The following ZNF841 variants were observed in gnomAD, a reference collection of about 807,000 sequenced individuals.
ZNF841 encodes the protein TCONS_00006091.
Under a neutral mutation model 13.0 loss-of-function variants are expected in ZNF841, and 11 were observed. The ratio of observed to expected loss-of-function variants is 0.85; its 90% CI spans 0.53 to 1.40. The LOEUF (loss-of-function observed/expected upper bound fraction) is 1.40, where lower values mean the gene tolerates loss of function less well. Among genes scored for constraint, ZNF841 ranks in the 40% most tolerant of loss-of-function variants. ZNF841 has a pLI of 0.00. For missense variants in ZNF841, 1,068 were observed against 1,139.5 expected (o/e 0.94, Z 0.90); for synonymous variants, 369 against 381.6 (o/e 0.97, Z 0.38).
At chr19:52,059,390 T>TATATATATATGC in the ZNF841 span, among the ~76,000 whole-genome samples, 1 of 96,388 alleles carries the variant, frequency 1.0e-5, no homozygotes, top group Non-Finnish European at 1.9e-5. Flanking sequence ...TATATATATA[T>TATATATATATGC]ACACACACAC....
chr19:52,066,633 T>C lies in ZNF841; in HGVS notation c.1249A>G (p.Thr417Ala), dbSNP rs1300680530. Reference sequence around the variant, plus strand: ...CCTGCATGGATTATATGATGTGCAGTGAGGCTTGAGTTCCGTTTAAAGGTT... The same window carrying C: ...CCTGCATGGATTATATGATGTGCAGCGAGGCTTGAGTTCCGTTTAAAGGTT... ...GKTFKRNSSL[T>A]AHHIIHAGKK... Residue 417 changes from threonine to alanine, a missense_variant, in exon 7 of 7, where the codon ACT (threonine) becomes GCT (alanine). Thr to Ala is a moderately conservative substitution (Grantham distance 58). Transcript: ENST00000594440. 7 of 1,613,372 alleles carry C rather than the reference T, an allele frequency of 4.3e-6. No homozygotes were observed. The African/African-American group carries it at 9.3e-5, about 22-fold the overall frequency.
chr19:52,066,812 C>T lies in ZNF841; in HGVS notation c.1070G>A (p.Ser357Asn). The T allele has an allele frequency of 6.2e-7, 1 of 1,613,898 alleles. No homozygotes were observed. The highest frequency in any genetic ancestry group is 1.1e-5 in the South Asian group (1 of 91,048). Residue 357 changes from serine to asparagine, a missense_variant, in exon 7 of 7, where the codon AGT becomes AAT. Transcript: ENST00000594440. The part of the protein sequence containing the change: ...CNECGKSFSK[S>N]SHLAVHQRIH... ...TCTCTGATGAACTGCAAGGTGGGAA[C>T]TTTTACTAAAGGACTTGCCACATTC... is the stretch of plus-strand genomic sequence containing the variant.
At chr19:52,063,367 G>C (rs1255568835), downstream of ZNF841, among the ~76,000 whole-genome samples, 1 of 150,870 alleles carries the variant, frequency 6.6e-6, no homozygotes, top group Non-Finnish European at 1.5e-5. Flanking sequence ...TTATTTTTTT[G>C]AGACAGAGTC....
chr19:52,075,339 G>C (rs983829894), intron 6 of ZNF841, among the ~76,000 whole-genome samples: 1 of 152,206 alleles, frequency 6.6e-6, no homozygotes, highest in Non-Finnish European at 1.5e-5. Context: ...CAAACTAAGA[G>C]TGTGAAGACA....
chr19:52,071,222 T>G (rs911585649), intron 6 of ZNF841, among the ~76,000 whole-genome samples: 1 of 152,206 alleles, frequency 6.6e-6, no homozygotes, highest in Admixed American at 6.5e-5. Flanking sequence ...ATATTTGCTA[T>G]GAAATTTATC....
chr19:52,070,371 A>G (rs1170298104), intron 6 of ZNF841, among the ~76,000 whole-genome samples: 2 of 152,210 alleles, frequency 1.3e-5, no homozygotes, highest in Non-Finnish European at 2.9e-5. Flanking sequence ...CCTTGCCTGT[A>G]GTGGACAAGG....
intron 4 of ZNF841, among the ~76,000 whole-genome samples, chr19:52,084,514 A>G (rs2088204878): frequency 6.6e-6 from 1 of 152,178 alleles, no homozygotes; most frequent in Admixed American, 6.5e-5. Context: ...CCAAAAGCTG[A>G]CACCACAGAA....
chr19:52,085,042 C>T (rs1247857151), intron 3 of ZNF841, among the ~76,000 whole-genome samples, 164 bp from the exon 4 acceptor site: 1 of 152,070 alleles, frequency 6.6e-6, no homozygotes, highest in Non-Finnish European at 1.5e-5. Context: ...AAGTTTTTCA[C>T]CCTTTTCTTC....
the ZNF841 span, chr19:52,058,502 CT>C: frequency 6.6e-6 from 1 of 152,158 alleles, no homozygotes; most frequent in East Asian, 1.9e-4. Flanking sequence ...GATTCAGATT[CT>C]TTAATTCAAC....
intron 3 of ZNF841, among the ~76,000 whole-genome samples, chr19:52,086,976 GCACAGAAGAGGGGTACTCACTA>G (rs1435123931): frequency 6.6e-6 from 1 of 152,200 alleles, no homozygotes; most frequent in Non-Finnish European, 1.5e-5. Context: ...CTTAAATGAA[GCACAGAAGAGGGGTACTCACTA>G]CAGGCAGAAA....
At chr19:52,089,572 G>A (rs761184103) in intron 2 of ZNF841, among the ~76,000 whole-genome samples, 43 of 152,080 alleles carry the variant, frequency 2.8e-4, no homozygotes, top group Non-Finnish European at 1.3e-4. Context: ...CCTTCAGCCC[G>A]GGAGGCGGAC....
intron 6 of ZNF841, among the ~76,000 whole-genome samples, chr19:52,068,920 C>G (rs768213404): frequency 1.3e-5 from 2 of 152,054 alleles, no homozygotes; most frequent in Non-Finnish European, 2.9e-5. Context: ...TGCAGTCAGC[C>G]AAGATCACGA....
At chr19:52,059,348 TAAAAAAA>T in the ZNF841 span, among the ~76,000 whole-genome samples, 1 of 46,030 alleles carries the variant, frequency 2.2e-5, no homozygotes, top group Admixed American at 2.8e-4. Context: ...AGACTCTGTC[TAAAAAAA>T]AAAAAAAAAA....
chr19:52,061,836 G>A (rs535834329), downstream of ZNF841, among the ~76,000 whole-genome samples: 3 of 152,226 alleles, frequency 2.0e-5, no homozygotes, highest in East Asian at 1.9e-4. Flanking sequence ...GTGAGCCACC[G>A]TGCCAAACCA....
intron 4 of ZNF841, among the ~76,000 whole-genome samples, chr19:52,079,837 C>T (rs2088037326): frequency 1.3e-5 from 2 of 151,710 alleles, no homozygotes; most frequent in Non-Finnish European, 2.9e-5. Context: ...ACTAAAAATA[C>T]AAAATTAGCC....
chr19:52,062,471 T>C (rs868613418), downstream of ZNF841, among the ~76,000 whole-genome samples: 6 of 152,160 alleles, frequency 3.9e-5, no homozygotes, highest in Non-Finnish European at 5.9e-5. Flanking sequence ...CCATATTCCA[T>C]GCTGCTTAAC....
chr19:52,072,030 C>T (rs1202641646), intron 6 of ZNF841, among the ~76,000 whole-genome samples: 6 of 152,118 alleles, frequency 3.9e-5, no homozygotes, highest in Admixed American at 2.6e-4. Context: ...AAATGTTAAC[C>T]GAAAGACATC....
chr19:52,077,920 C>T (rs1052565546), intron 4 of ZNF841, among the ~76,000 whole-genome samples: 3 of 152,104 alleles, frequency 2.0e-5, no homozygotes, highest in Non-Finnish European at 2.9e-5. Context: ...GCATAGGGGA[C>T]GAATGCTACA....
chr19:52,091,744 G>GA (rs371811590), intron 2 of ZNF841, among the ~76,000 whole-genome samples: 1 of 152,014 alleles, frequency 6.6e-6, no homozygotes, highest in Non-Finnish European at 1.5e-5. Context: ...CCAGAAAATA[G>GA]AAAAAAAGCT....
Sources: allele counts gnomAD v4.1 joint callset (sites outside exome capture counted in the v4.1 genomes callset), GRCh38; gene constraint gnomAD v4.1.1; transcripts MANE v1.5; gene names NCBI Gene and HGNC (gene_info 2026-07-23, HGNC 2026-07-21).